Variants in TIAM1 observed in about 807,000 individuals in gnomAD.
The protein encoded by TIAM1 is TIAM Rac1 associated GEF 1, also known as rho guanine nucleotide exchange factor TIAM1.
In TIAM1, 65 loss-of-function variants were observed where a neutral mutation model predicts 163.5. That is an observed-to-expected ratio of 0.40 (90% CI 0.33 to 0.49). The LOEUF (loss-of-function observed/expected upper bound fraction) is 0.49. Among genes scored for constraint, TIAM1 ranks in the 20% least tolerant of loss-of-function variants. The pLI is 0.77. For synonymous variants in TIAM1, 833 were observed against 810.1 expected, an observed-to-expected ratio of 1.03 and a Z score of -0.48; for missense variants, 1,789 against 2,044.7, an observed-to-expected ratio of 0.87 and a Z score of 2.41.
At chr21:31,301,065 A>T (rs1220383704) in intron 2 of TIAM1, among the ~76,000 whole-genome samples, 2 of 152,222 alleles carry the variant, frequency 1.3e-5, no homozygotes, top group Non-Finnish European at 2.9e-5. Flanking sequence ...TGAATTTTGG[A>T]GCCGAGTGAG....
Position 31,410,773 on chromosome 21 carries a change from G to GACCAACAGAGAC in TIAM1, c.-369+53198_-369+53209dup, listed in dbSNP as rs542233058. Among the ~76,000 whole-genome samples, 31 of 152,088 alleles carry GACCAACAGAGAC rather than the reference G, an allele frequency of 2.0e-4. 1 individual carries two copies. The highest frequency in any genetic ancestry group is 6.3e-4 in the African/African-American group (26 of 41,482). The stretch of plus-strand genomic sequence containing the variant: ...AGAGGGAGGGGAGAGAAAAGAGAGA[G>GACCAACAGAGAC]ACCAACAGAGACAGAAAGGGAGAGT... On this transcript the variant is annotated intron_variant, in intron 2 of 28. Transcript: ENST00000286827.
chr21:31,518,934 C>T (rs766646569), intron 1 of TIAM1, among the ~76,000 whole-genome samples: 15 of 152,188 alleles, frequency 9.9e-5, no homozygotes, highest in Non-Finnish European at 2.1e-4. Context: ...ATGGCTCACG[C>T]CTGTAATCCC....
rs146252560 is a variant in TIAM1 at position 31,298,904 on chromosome 21, C to T, written c.-188-21996G>A. On this transcript the variant is annotated intron_variant, in intron 2 of 27. Coordinates refer to ENST00000541036, the MANE Select transcript of TIAM1 (RefSeq NM_001353694.2). ...CCCACCTCAAATCCCTTTTCACAGGCCTGCTACAAATGAGTCAGAGAAAGA... is the reference window on the plus strand; with the variant it reads ...CCCACCTCAAATCCCTTTTCACAGGTCTGCTACAAATGAGTCAGAGAAAGA... Among the ~76,000 whole-genome samples, 12 of 152,172 alleles carry T rather than the reference C, an allele frequency of 7.9e-5. No homozygotes were observed. In the East Asian group the frequency reaches 2.1e-3, roughly 27 times the overall value.
intron 2 of TIAM1, among the ~76,000 whole-genome samples, chr21:31,441,885 C>CA (rs35501898): frequency 0.13 from 16,350 of 128,452 alleles, 1,294 homozygotes; most frequent in African/African-American, 0.18. Context: ...CCCATGTTTA[C>CA]AAAAAAAAAA....
intron 1 of TIAM1, among the ~76,000 whole-genome samples, chr21:31,519,173 T>G (rs1569406741): frequency 6.6e-6 from 1 of 151,928 alleles, no homozygotes; most frequent in Non-Finnish European, 1.5e-5. Context: ...GGCGTAGTGG[T>G]ACATGCCTGT....
intron 6 of TIAM1, among the ~76,000 whole-genome samples, chr21:31,233,004 A>G (rs925760713): frequency 1.3e-5 from 2 of 152,220 alleles, no homozygotes; most frequent in African/African-American, 4.8e-5. Flanking sequence ...AGCCCCTTTG[A>G]GTGCAGAGAT....
intron 20 of TIAM1, among the ~76,000 whole-genome samples, chr21:31,146,207 C>A (rs146600428): frequency 1.3e-5 from 2 of 151,906 alleles, no homozygotes; most frequent in African/African-American, 2.4e-5. Flanking sequence ...CCGAGGTGGG[C>A]GGATCACCTG....
Position 31,445,523 on chromosome 21 carries a change from C to G in TIAM1, c.-369+18460G>C, listed in dbSNP as rs185515006. Among the ~76,000 whole-genome samples, 16 of 152,308 alleles carry G rather than the reference C, an allele frequency of 1.1e-4. 1 individual carries two copies. Among genetic ancestry groups the G allele is most frequent in the Admixed American group, 1.0e-3 (16 of 15,288 alleles). On this transcript the variant is annotated intron_variant, in intron 2 of 28. Coordinates refer to the TIAM1 transcript ENST00000286827. ...TCCCACTTGCCATTCTGGATGTCGT[C>G]TATTAATTCCAATTAATAGGGACAC...
chr21:31,212,606 C>CTTTTTTTTTTTTTTTT (rs35838120), intron 10 of TIAM1: 1 of 93,744 alleles, frequency 1.1e-5, no homozygotes, highest in African/African-American at 3.8e-5. Flanking sequence ...GCCTGTGAAT[C>CTTTTTTTTTTTTTTTT]TTTTTTTTTT....
At chr21:31,121,794 GAC>G (rs1229583107) in intron 27 of TIAM1, among the ~76,000 whole-genome samples, 1 of 152,088 alleles carries the variant, frequency 6.6e-6, no homozygotes. Flanking sequence ...GCAAACAAAA[GAC>G]ACCATCCGAT....
In TIAM1 at chr21:31,236,931, C is replaced by A. The variant is rs549772307; in HGVS notation, c.1584+8557G>T. ...AGACGTGGCAGGAGGTAAATGAAAG[C>A]CGTTTTTAAGTATTTAAAAGGTGAT... is the stretch of plus-strand genomic sequence containing the variant. On this transcript the variant is annotated intron_variant, in intron 6 of 27. Coordinates refer to ENST00000541036, the MANE Select transcript of TIAM1 (RefSeq NM_001353694.2). Among the ~76,000 whole-genome samples, 94 of 152,184 alleles carry A rather than the reference C, an allele frequency of 6.2e-4. 1 individual carries two copies. The South Asian group carries it at 9.6e-3, about 16-fold the overall frequency.
chr21:31,215,803 C>T (rs553199112), intron 9 of TIAM1, among the ~76,000 whole-genome samples: 7 of 152,124 alleles, frequency 4.6e-5, no homozygotes, highest in African/African-American at 1.4e-4. Context: ...GTCTCACACT[C>T]GCTTAGCATT....
chr21:31,282,953 GT>G (rs2073634798), intron 2 of TIAM1, among the ~76,000 whole-genome samples: 2 of 152,186 alleles, frequency 1.3e-5, no homozygotes, highest in African/African-American at 4.8e-5. Flanking sequence ...CAATCAATAT[GT>G]TTAAGTCAAC....
chr21:31,333,913 C>A (rs577980325), intron 2 of TIAM1, among the ~76,000 whole-genome samples: 16 of 152,286 alleles, frequency 1.1e-4, no homozygotes, highest in East Asian at 1.9e-4. Flanking sequence ...CCCTCCCCCC[C>A]AAAAAATTAA....
chr21:31,344,777 T>C (rs2076115124), upstream of TIAM1, among the ~76,000 whole-genome samples: 1 of 152,202 alleles, frequency 6.6e-6, no homozygotes. Context: ...TTGAAAAGAA[T>C]ATAATGAACA....
At chr21:31,417,186 C>T (rs1314350520) in intron 2 of TIAM1, among the ~76,000 whole-genome samples, 4 of 152,094 alleles carry the variant, frequency 2.6e-5, no homozygotes, top group Non-Finnish European at 5.9e-5. Context: ...CCACGTCTGG[C>T]TAATTTTTTG....
chr21:31,322,835 T>A (rs1213053218), intron 2 of TIAM1, among the ~76,000 whole-genome samples: 1 of 151,656 alleles, frequency 6.6e-6, no homozygotes, highest in East Asian at 1.9e-4. Context: ...CACAAGGGGG[T>A]CAAGCAACCA....
intron 1 of TIAM1, among the ~76,000 whole-genome samples, chr21:31,482,898 C>T (rs2046160692): frequency 6.6e-6 from 1 of 152,210 alleles, no homozygotes. Flanking sequence ...TGAGTAGCTA[C>T]TGTGCCAGGC....
chr21:31,198,592 A>C (rs1484957905), intron 12 of TIAM1, among the ~76,000 whole-genome samples: 1 of 152,256 alleles, frequency 6.6e-6, no homozygotes, highest in East Asian at 1.9e-4. Context: ...AAAATGCTCA[A>C]GGAAATGTTA....
Sources: allele counts gnomAD v4.1 joint callset (sites outside exome capture counted in the v4.1 genomes callset), GRCh38; gene constraint gnomAD v4.1.1; transcripts MANE v1.5; gene names NCBI Gene and HGNC (gene_info 2026-07-23, HGNC 2026-07-21).